The following PCSK5 variants were observed in gnomAD, a reference collection of about 807,000 sequenced individuals.
PCSK5 encodes proprotein convertase subtilisin/kexin type 5.
PCSK5 carries 129 observed loss-of-function variants against 233.2 expected under a neutral mutation model. The ratio of observed to expected loss-of-function variants is 0.55; its 90% CI spans 0.48 to 0.64. The LOEUF is 0.64. Among genes scored for constraint, PCSK5 ranks in the 30% least tolerant of loss-of-function variants. PCSK5 has a pLI of 0.00. For synonymous variants in PCSK5, 825 were observed against 879.2 expected, an observed-to-expected ratio of 0.94 and a Z score of 1.09; for missense variants, 2,076 against 2,430.1, an observed-to-expected ratio of 0.85 and a Z score of 3.06.
intron 30 of PCSK5, among the ~76,000 whole-genome samples, chr9:76,318,219 G>GA (rs1829086203): frequency 6.6e-6 from 1 of 152,032 alleles, no homozygotes; most frequent in Non-Finnish European, 1.5e-5. Context: ...CACAGGAACA[G>GA]AAAATCAAAC....
chr9:76,181,284 G>T (rs1442777066), intron 15 of PCSK5, 114 bp from the exon 16 acceptor site: 10 of 812,940 alleles, frequency 1.2e-5, no homozygotes, highest in Non-Finnish European at 1.9e-5. Context: ...TTGGCATCCT[G>T]GTTTAAAAGT....
chr9:76,189,817 TC>T, intron 20 of PCSK5, 71 bp downstream of exon 20: 1 of 819,872 alleles, frequency 1.2e-6, no homozygotes, highest in East Asian at 2.5e-5. Context: ...CTAATATTTT[TC>T]CACTTAAAAA....
chr9:76,204,632 T>C (rs549924827), intron 20 of PCSK5, among the ~76,000 whole-genome samples: 13 of 152,254 alleles, frequency 8.5e-5, no homozygotes, highest in Non-Finnish European at 5.9e-5. Flanking sequence ...TCTTATTTGT[T>C]GGATGTCTGA....
intron 32 of PCSK5, among the ~76,000 whole-genome samples, chr9:76,325,622 C>T (rs1434410143): frequency 1.3e-5 from 2 of 151,782 alleles, no homozygotes; most frequent in Non-Finnish European, 2.9e-5. Context: ...TGAGGTGTCT[C>T]CCTACAATGA....
intron 24 of PCSK5, among the ~76,000 whole-genome samples, chr9:76,272,503 A>G (rs978487377): frequency 6.6e-6 from 1 of 152,060 alleles, no homozygotes; most frequent in East Asian, 1.9e-4. Context: ...AGCCAGGCGC[A>G]GTGGCTCATG....
At chr9:76,217,350 T>C (rs1825573981) in intron 20 of PCSK5, among the ~76,000 whole-genome samples, 1 of 152,260 alleles carries the variant, frequency 6.6e-6, no homozygotes, top group Non-Finnish European at 1.5e-5. Flanking sequence ...CTCTCTGGTG[T>C]TGCTTATCTG....
chr9:76,069,130 T>C (rs2131597905), intron 6 of PCSK5, among the ~76,000 whole-genome samples: 1 of 152,288 alleles, frequency 6.6e-6, no homozygotes, highest in Admixed American at 6.5e-5. Context: ...TAAGCAGTAA[T>C]TAATTAGCGG....
At chr9:76,312,073 CAT>C (rs1163541199) in intron 30 of PCSK5, among the ~76,000 whole-genome samples, 3 of 152,152 alleles carry the variant, frequency 2.0e-5, no homozygotes, top group African/African-American at 7.2e-5. Context: ...CACGCCTGAA[CAT>C]CCAAGCAACT....
intron 20 of PCSK5, among the ~76,000 whole-genome samples, chr9:76,226,362 C>T (rs769566816): frequency 5.3e-5 from 8 of 152,148 alleles, no homozygotes; most frequent in Admixed American, 2.0e-4. Flanking sequence ...TCCAGTAAAG[C>T]GATGGGGGAA....
chr9:76,268,452 C>T (rs1396831263), intron 24 of PCSK5, among the ~76,000 whole-genome samples: 2 of 152,168 alleles, frequency 1.3e-5, no homozygotes, highest in Non-Finnish European at 2.9e-5. Context: ...TTGTATGGTT[C>T]TCAGTCATAA....
chr9:76,082,705 C>A (rs940380669), intron 7 of PCSK5, among the ~76,000 whole-genome samples: 3 of 151,764 alleles, frequency 2.0e-5, no homozygotes, highest in Non-Finnish European at 4.4e-5. Flanking sequence ...GCCTTGGAAT[C>A]ATCTTTTTTG....
At chr9:75,984,331 A>T (rs1322935390) in intron 2 of PCSK5, among the ~76,000 whole-genome samples, 1 of 152,156 alleles carries the variant, frequency 6.6e-6, no homozygotes, top group Non-Finnish European at 1.5e-5. Flanking sequence ...GACCTCTAGG[A>T]GTCTCTTTAA....
chr9:76,295,313 C>T lies in PCSK5; in HGVS notation c.3224C>T (p.Thr1075Ile), dbSNP rs751646085. 5 of 1,611,590 alleles carry T rather than the reference C, an allele frequency of 3.1e-6. No homozygotes were observed. The Admixed American group carries it at 8.3e-5, about 27-fold the overall frequency. ...TGTTATAAAACCTGTCCTGAGAAGACCTACAGTGAGGAAGTGGAATGCAAG... is the reference window on the plus strand; with the variant it reads ...TGTTATAAAACCTGTCCTGAGAAGATCTACAGTGAGGAAGTGGAATGCAAG... ...HHCYKTCPEK[T>I]YSEEVECKAC... The change falls in exon 26 of 38, where the codon ACC (threonine) becomes ATC (isoleucine). Residue 1075 changes from threonine (T) to isoleucine (I), a missense_variant. By Grantham distance (89) the Thr-to-Ile change is moderately conservative. Transcript: ENST00000674117.
chr9:76,353,546 A>C (rs1279340821), intron 36 of PCSK5, among the ~76,000 whole-genome samples: 1 of 152,256 alleles, frequency 6.6e-6, no homozygotes, highest in African/African-American at 2.4e-5. Flanking sequence ...TATGTCAAAT[A>C]GAAGAGTGGA....
intron 20 of PCSK5, among the ~76,000 whole-genome samples, chr9:76,203,556 A>C (rs1246960747): frequency 2.0e-5 from 3 of 151,690 alleles, no homozygotes; most frequent in Non-Finnish European, 4.4e-5. Flanking sequence ...CAGCCGAGGA[A>C]CTTGCAACAG....
intron 7 of PCSK5, 116 bp downstream of exon 7, chr9:76,072,014 C>A: frequency 1.1e-6 from 1 of 938,780 alleles, no homozygotes; most frequent in South Asian, 2.2e-5. Context: ...CTAGGCTGAG[C>A]CAGCAGGTAG....
chr9:76,359,942 C>T lies in PCSK5; in HGVS notation c.*1020C>T, dbSNP rs1017827262. 1.3e-5 allele frequency: 2 copies of T among 152,152 alleles called. No individual in the cohort carries two copies. The highest frequency in any genetic ancestry group is 2.9e-5 in the Non-Finnish European group (2 of 68,032). 9.4% of individuals were successfully genotyped at this position (152,152 alleles called of 1,614,324 possible). ...AAGCTGTACTCTAGCTGCTGACCAG[C>T]CTTCCAGCACTGCTCATCACTATGA... On this transcript the variant is annotated 3_prime_UTR_variant, in exon 38 of 38. Transcript: ENST00000674117.
chr9:76,073,585 A>G lies in PCSK5; in HGVS notation c.894+1687A>G, dbSNP rs200993438. Among the ~76,000 whole-genome samples, 9 of 152,202 alleles carry G rather than the reference A, an allele frequency of 5.9e-5. No homozygotes were observed. The East Asian group carries it at 1.7e-3, about 29-fold the overall frequency. On this transcript the variant is annotated intron_variant, in intron 7 of 37. Coordinates refer to ENST00000674117, the MANE Select transcript of PCSK5 (RefSeq NM_001372043.1). ...TGTTTTCAATAGAATGATCATTCAA[A>G]TTCAGTAAACCAAACACTGTTCATA...
At chr9:76,154,004 T>TA (rs1823777931) in intron 10 of PCSK5, among the ~76,000 whole-genome samples, 1 of 152,158 alleles carries the variant, frequency 6.6e-6, no homozygotes, top group African/African-American at 2.4e-5. Context: ...AAATTGTATA[T>TA]AAAAAATTGT....
Sources: allele counts gnomAD v4.1 joint callset (sites outside exome capture counted in the v4.1 genomes callset), GRCh38; gene constraint gnomAD v4.1.1; transcripts MANE v1.5; gene names NCBI Gene and HGNC (gene_info 2026-07-23, HGNC 2026-07-21).